Variants in ME3 observed in about 807,000 individuals in gnomAD.
ME3 encodes the protein NADP-dependent malic enzyme, mitochondrial.
In ME3, 48 loss-of-function variants were observed where a neutral mutation model predicts 68.9. The ratio of observed to expected loss-of-function variants is 0.70; its 90% CI spans 0.55 to 0.89. ME3 has a LOEUF of 0.89. Among genes scored for constraint, ME3 ranks in the 40% least tolerant of loss-of-function variants. The probability of loss-of-function intolerance (pLI) is 0.00; values close to 1 mark genes in which losing one functional copy is unlikely to be tolerated. For missense variants in ME3, 675 were observed against 797.4 expected (o/e 0.85, Z 1.85); for synonymous variants, 320 against 318.8 (o/e 1.00, Z -0.04).
At chr11:86,572,957 T>A (rs953418200) in intron 2 of ME3, among the ~76,000 whole-genome samples, 1 of 152,344 alleles carries the variant, frequency 6.6e-6, no homozygotes, top group Middle Eastern at 3.4e-3. Flanking sequence ...TCCTGACATT[T>A]TAATAATTGC....
intron 7 of ME3, among the ~76,000 whole-genome samples, chr11:86,465,669 C>A (rs554965083): frequency 3.3e-5 from 5 of 152,098 alleles, no homozygotes; most frequent in Non-Finnish European, 5.9e-5. Flanking sequence ...CTTGCTGGAC[C>A]CTGAGGCCTG....
intron 2 of ME3, chr11:86,622,747 C>G (rs562625955): frequency 2.0e-5 from 3 of 152,112 alleles, no homozygotes; most frequent in East Asian, 3.9e-4. Context: ...CTGACTCTGG[C>G]TGCCATCGTT....
rs775064043 is a variant in ME3 at position 86,556,714 on chromosome 11, A to T, written c.318-12T>A. The T allele has an allele frequency of 9.3e-6, 15 of 1,613,384 alleles. No individual in the cohort carries two copies. The African/African-American group carries it at 1.9e-4, about 20-fold the overall frequency. On this transcript the variant is annotated splice_polypyrimidine_tract_variant and intron_variant, in intron 3 of 14. Coordinates refer to ENST00000543262, the Ensembl canonical transcript of ME3. ...TGAGAATGATGTACCTTGTAAAAGG[A>T]GAGAAAAAGCAAGCTGACATGTGGT...
intron 3 of ME3, among the ~76,000 whole-genome samples, chr11:86,557,757 C>T (rs1266163085): frequency 6.6e-6 from 1 of 152,166 alleles, no homozygotes; most frequent in East Asian, 1.9e-4. Context: ...GTGTGGGATT[C>T]TCTTACCCAG....
intron 2 of ME3, among the ~76,000 whole-genome samples, chr11:86,594,689 C>T (rs1408246761): frequency 1.4e-5 from 2 of 145,110 alleles, no homozygotes; most frequent in African/African-American, 5.1e-5. Flanking sequence ...AAAAACAATA[C>T]AAAAAAACAC....
chr11:86,551,295 G>C (rs914750931), intron 4 of ME3, among the ~76,000 whole-genome samples: 6 of 152,096 alleles, frequency 3.9e-5, no homozygotes, highest in African/African-American at 1.4e-4. Context: ...TGGAGCTGTG[G>C]AGTAGCTCCA....
chr11:86,443,804 TA>T (rs1472547919), intron 13 of ME3, among the ~76,000 whole-genome samples: 2 of 152,206 alleles, frequency 1.3e-5, no homozygotes, highest in Admixed American at 6.5e-5. Context: ...CATTCAGTCA[TA>T]CATTCACTGT....
At chr11:86,488,732 G>T (rs1951834644) in intron 6 of ME3, among the ~76,000 whole-genome samples, 1 of 152,134 alleles carries the variant, frequency 6.6e-6, no homozygotes, top group Non-Finnish European at 1.5e-5. Context: ...ATGTACTATT[G>T]CTGACACTGG....
At chr11:86,533,796 A>G (rs1171574773) in intron 4 of ME3, among the ~76,000 whole-genome samples, 1 of 152,198 alleles carries the variant, frequency 6.6e-6, no homozygotes, top group African/African-American at 2.4e-5. Context: ...AGACAATTTC[A>G]TCATTGTGTG....
intron 2 of ME3, among the ~76,000 whole-genome samples, chr11:86,575,852 A>G (rs1958071443): frequency 2.0e-5 from 3 of 152,362 alleles, no homozygotes; most frequent in Admixed American, 6.5e-5. Context: ...AAATGAATGA[A>G]AGTCTGTGAG....
chr11:86,598,342 C>G (rs1198108424), intron 2 of ME3, among the ~76,000 whole-genome samples: 2 of 152,234 alleles, frequency 1.3e-5, no homozygotes, highest in Non-Finnish European at 2.9e-5. Flanking sequence ...GAGTCTCGCT[C>G]ATTGCTAGCA....
intron 4 of ME3, among the ~76,000 whole-genome samples, chr11:86,544,659 C>G (rs531800943): frequency 2.4e-4 from 37 of 152,206 alleles, no homozygotes; most frequent in African/African-American, 8.7e-4. Context: ...AATTAAGGCA[C>G]TAAATAATAG....
At chr11:86,535,041 G>C (rs78347504) in intron 4 of ME3, among the ~76,000 whole-genome samples, 8,097 of 152,172 alleles carry the variant, frequency 0.053, 290 homozygotes, top group Non-Finnish European at 0.082. Flanking sequence ...CCTAGGTAGA[G>C]GTTTACTCTC....
chr11:86,488,996 G>A (rs1039941384), intron 6 of ME3: 7 of 152,214 alleles, frequency 4.6e-5, no homozygotes, highest in African/African-American at 9.6e-5. Flanking sequence ...AGGCTGAGAA[G>A]ACAGCACAAG....
intron 2 of ME3, among the ~76,000 whole-genome samples, chr11:86,642,244 C>T (rs144794548): frequency 3.3e-5 from 5 of 152,250 alleles, no homozygotes; most frequent in African/African-American, 9.6e-5. Context: ...AGGAAATTAT[C>T]GGTTTTCCAT....
chr11:86,594,221 G>A lies in ME3; in HGVS notation c.184-34398C>T, dbSNP rs74732203. On this transcript the variant is annotated intron_variant, in intron 2 of 14. Coordinates refer to ENST00000543262, the Ensembl canonical transcript of ME3. ...TTATAACTCCAGTACATAAGTAGCT[G>A]TCTTACTACATTTTCACCAATGCTG... Among the ~76,000 whole-genome samples the A allele has an allele frequency of 1.4e-5, 2 of 146,858 alleles. 1 individual carries two copies. Among genetic ancestry groups the A allele is most frequent in the Admixed American group, 1.4e-4 (2 of 13,826 alleles).
chr11:86,659,625 T>C (rs575270037), intron 2 of ME3, among the ~76,000 whole-genome samples: 7 of 152,320 alleles, frequency 4.6e-5, no homozygotes, highest in Admixed American at 2.0e-4. Flanking sequence ...CCCGTGGCAG[T>C]GTGGATGGAG....
intron 4 of ME3, among the ~76,000 whole-genome samples, chr11:86,532,922 G>A (rs2139285913): frequency 6.6e-6 from 1 of 152,242 alleles, no homozygotes; most frequent in African/African-American, 2.4e-5. Flanking sequence ...GCATGTTTCA[G>A]GCGACTGTAA....
intron 2 of ME3, among the ~76,000 whole-genome samples, chr11:86,650,088 T>G (rs1157628091): frequency 6.6e-6 from 1 of 152,200 alleles, no homozygotes. Flanking sequence ...CAAAACAGCT[T>G]GGTACTGGTA....
Sources: gnomAD v4.1 joint callset for allele counts (sites outside exome capture counted in the v4.1 genomes callset) on GRCh38, gnomAD v4.1.1 for gene constraint, MANE v1.5 for transcripts, NCBI Gene and HGNC (gene_info 2026-07-23, HGNC 2026-07-21) for gene names.